TRAF3: variants seen among roughly 807,000 people sequenced by gnomAD.
TRAF3 encodes the protein TNF receptor-associated factor 3.
A neutral mutation model predicts 62.3 loss-of-function variants in TRAF3; 13 were observed. The observed-to-expected ratio is 0.21, with a 90% CI of 0.14 to 0.33. The LOEUF (loss-of-function observed/expected upper bound fraction) is 0.33, where lower values mean the gene tolerates loss of function less well. TRAF3 is among the 10% of genes least tolerant of loss of function. The probability of loss-of-function intolerance (pLI) is 1.00; values close to 1 mark genes in which losing one functional copy is unlikely to be tolerated. For missense variants in TRAF3, 440 were observed against 741.8 expected (o/e 0.59, Z 4.73); for synonymous variants, 269 against 283.4 (o/e 0.95, Z 0.51).
intron 1 of TRAF3, among the ~76,000 whole-genome samples, chr14:102,799,160 C>G (rs1031649966): frequency 2.0e-5 from 3 of 151,976 alleles, no homozygotes; most frequent in African/African-American, 7.3e-5. Flanking sequence ...AATTAAGAGT[C>G]TGGTGGCATT....
At chr14:102,864,027 C>T (rs539636939) in intron 2 of TRAF3, among the ~76,000 whole-genome samples, 124 of 152,240 alleles carry the variant, frequency 8.1e-4, no homozygotes, top group African/African-American at 2.8e-3. Context: ...CCATGGAACT[C>T]GCGGTTCTTG....
chr14:102,816,910 T>G (rs1899566670), intron 1 of TRAF3, among the ~76,000 whole-genome samples: 1 of 152,120 alleles, frequency 6.6e-6, no homozygotes, highest in Admixed American at 6.5e-5. Context: ...GGGTCGAGCT[T>G]TGGTGAGAAG....
intron 2 of TRAF3, among the ~76,000 whole-genome samples, chr14:102,858,449 G>A (rs893452423): frequency 7.2e-5 from 11 of 152,066 alleles, no homozygotes; most frequent in Non-Finnish European, 1.6e-4. Flanking sequence ...CACTGCACCC[G>A]GCCTAAGAAC....
At position 102,905,751 on chromosome 14, in the gene TRAF3, C is replaced by T; in HGVS notation, c.1674C>T (p.Val558=). Residue 558 remains valine, a synonymous_variant, in exon 12 of 12, where the codon GTC becomes GTT. Transcript: ENST00000392745. ...AAGATGATACAATTTTTATTAAAGT[C>T]ATAGTGGATACTTCGGATCTGCCCG... The part of the protein sequence containing the change: ...YIKDDTIFIK[V]IVDTSDLPDP 6.2e-7 allele frequency: 1 copy of T among 1,613,376 alleles called. No homozygotes were observed. The highest frequency in any genetic ancestry group is 8.5e-7 in the Non-Finnish European group (1 of 1,179,734).
chr14:102,824,388 A>G lies in TRAF3; in HGVS notation c.-156-5946A>G, dbSNP rs115244661. Among the ~76,000 whole-genome samples, 1,179 of 152,362 alleles carry G rather than the reference A, an allele frequency of 7.7e-3. 16 individuals carry two copies. The highest frequency in any genetic ancestry group is 0.027 in the African/African-American group (1,113 of 41,592). On this transcript the variant is annotated intron_variant, in intron 1 of 11. Transcript: ENST00000392745. ...ATAGATTTTTGGTAAATAAGTATGT[A>G]TCTAAGCCAAATAAATTTTGTGTGT...
At chr14:102,895,075 A>G (rs138513269) in intron 9 of TRAF3, 2 of 455,636 alleles carry the variant, frequency 4.4e-6, no homozygotes, top group Non-Finnish European at 8.8e-6. Flanking sequence ...TTTTGCAGGG[A>G]TATGAGAATA....
intron 8 of TRAF3, 138 bp downstream of exon 8, chr14:102,889,772 C>T (rs1264739138): frequency 3.8e-5 from 40 of 1,051,408 alleles, no homozygotes; most frequent in Middle Eastern, 2.4e-4. Context: ...GCATGGGTGA[C>T]GAAAGCCACA....
intron 1 of TRAF3, among the ~76,000 whole-genome samples, chr14:102,829,181 C>T (rs570968736): frequency 4.6e-5 from 7 of 152,268 alleles, no homozygotes; most frequent in African/African-American, 1.7e-4. Flanking sequence ...ATTTATATGT[C>T]CAATGCCAAG....
intron 1 of TRAF3, among the ~76,000 whole-genome samples, chr14:102,783,758 A>G (rs1159504322): frequency 6.6e-6 from 1 of 152,138 alleles, no homozygotes; most frequent in Non-Finnish European, 1.5e-5. Flanking sequence ...GAAGTGTGGC[A>G]TGGTGGAGGG....
chr14:102,825,986 G>A (rs936559591), intron 1 of TRAF3, among the ~76,000 whole-genome samples: 3 of 152,238 alleles, frequency 2.0e-5, no homozygotes, highest in African/African-American at 7.2e-5. Context: ...CATGTCTGCT[G>A]TGGCCAAATG....
intron 2 of TRAF3, among the ~76,000 whole-genome samples, chr14:102,847,277 C>A (rs781728030): frequency 6.6e-6 from 1 of 152,174 alleles, no homozygotes; most frequent in Non-Finnish European, 1.5e-5. Flanking sequence ...TGGGTTCAAA[C>A]TATTCTCCTG....
At chr14:102,809,358 C>T (rs901246402) in intron 1 of TRAF3, among the ~76,000 whole-genome samples, 1 of 151,850 alleles carries the variant, frequency 6.6e-6, no homozygotes, top group Non-Finnish European at 1.5e-5. Context: ...TGAAACTCCT[C>T]ACCTCAGGTG....
rs1900322423 is a variant in TRAF3 at position 102,826,502 on chromosome 14, G to T, written c.-156-3832G>T. ...AGGGCCTTGCTGCCAGGGGTGGGAA[G>T]GGAGTCAGTGAAGACGTCCTGGAGG... On this transcript the variant is annotated intron_variant, in intron 1 of 11. Transcript: ENST00000392745. This position sits in a 1 kb window ranked among gnomAD's most constrained non-coding sequence, Gnocchi z 4.6. Among the ~76,000 whole-genome samples, 1 of 152,194 alleles carries T rather than the reference G, an allele frequency of 6.6e-6. No homozygotes were observed. Among genetic ancestry groups the T allele is most frequent in the South Asian group, 2.1e-4 (1 of 4,832 alleles).
At chr14:102,902,572 C>T (rs956512945) in intron 10 of TRAF3, among the ~76,000 whole-genome samples, 5 of 152,228 alleles carry the variant, frequency 3.3e-5, no homozygotes, top group East Asian at 3.8e-4. Flanking sequence ...CCACCTGTCC[C>T]GTGGGACCTG....
At chr14:102,816,105 A>G (rs1057049959) in intron 1 of TRAF3, among the ~76,000 whole-genome samples, 1 of 144,878 alleles carries the variant, frequency 6.9e-6, no homozygotes, top group African/African-American at 2.5e-5. Flanking sequence ...TCTAAATTCT[A>G]TTTTTTTTTT....
At chr14:102,858,619 G>T (rs1048948517) in intron 2 of TRAF3, among the ~76,000 whole-genome samples, 8 of 152,130 alleles carry the variant, frequency 5.3e-5, no homozygotes, top group African/African-American at 1.9e-4. Context: ...ACTATTAAAG[G>T]CACAATTGAC....
chr14:102,893,406 G>A (rs1487461963), intron 9 of TRAF3, among the ~76,000 whole-genome samples: 2 of 151,108 alleles, frequency 1.3e-5, no homozygotes, highest in African/African-American at 4.9e-5. Context: ...AAAAAAAAAG[G>A]AATGGGCTTT....
intron 2 of TRAF3, among the ~76,000 whole-genome samples, chr14:102,861,822 G>A (rs565317588): frequency 2.6e-5 from 4 of 152,244 alleles, no homozygotes; most frequent in South Asian, 4.2e-4. Flanking sequence ...CTTTTTATGC[G>A]CTTGTTGAAT....
intron 2 of TRAF3, among the ~76,000 whole-genome samples, chr14:102,857,308 G>T (rs1176560671): frequency 6.6e-6 from 1 of 152,204 alleles, no homozygotes; most frequent in Non-Finnish European, 1.5e-5. Flanking sequence ...CTAGTAACAG[G>T]TGTACCAAGT....
Sources: gnomAD v4.1 joint callset for allele counts (sites outside exome capture counted in the v4.1 genomes callset) on GRCh38, gnomAD v4.1.1 for gene constraint, Gnocchi (gnomAD v3.1) non-coding constraint, MANE v1.5 for transcripts, NCBI Gene and HGNC (gene_info 2026-07-23, HGNC 2026-07-21) for gene names.